OLA1: variants seen among roughly 807,000 people sequenced by gnomAD.
The protein encoded by OLA1 is obg-like ATPase 1.
Under a neutral mutation model 48.4 loss-of-function variants are expected in OLA1, and 14 were observed. That is an observed-to-expected ratio of 0.29 (90% confidence interval 0.19 to 0.45). The LOEUF (loss-of-function observed/expected upper bound fraction) is 0.45. Among genes scored for constraint, OLA1 ranks in the 20% least tolerant of loss-of-function variants. The pLI is 1.00. For missense variants in OLA1, 325 were observed against 467.1 expected, an observed-to-expected ratio of 0.70 and a Z score of 2.80; for synonymous variants, 127 against 150.4, an observed-to-expected ratio of 0.84 and a Z score of 1.14.
At chr2:174,132,183 T>A (rs1686198036) in intron 5 of OLA1, among the ~76,000 whole-genome samples, 1 of 152,112 alleles carries the variant, frequency 6.6e-6, no homozygotes, top group Non-Finnish European at 1.5e-5. Flanking sequence ...TATTGATGTC[T>A]ACAGAATCTA....
intron 4 of OLA1, among the ~76,000 whole-genome samples, chr2:174,144,792 A>G (rs1209120430): frequency 6.6e-6 from 1 of 150,972 alleles, no homozygotes; most frequent in Non-Finnish European, 1.5e-5. Flanking sequence ...GTCCCTAAAT[A>G]AAAAAATTAG....
At chr2:174,097,169 T>A (rs894514888) in intron 7 of OLA1, among the ~76,000 whole-genome samples, 5 of 151,882 alleles carry the variant, frequency 3.3e-5, no homozygotes, top group South Asian at 2.1e-4. Context: ...ATAAATAAAT[T>A]AATTTTAAAA....
intron 7 of OLA1, among the ~76,000 whole-genome samples, chr2:174,097,915 C>T (rs1029734015): frequency 2.6e-5 from 4 of 151,972 alleles, no homozygotes; most frequent in Non-Finnish European, 4.4e-5. Flanking sequence ...CCCATTTATC[C>T]AAATCGTCTC....
At chr2:174,143,977 G>A (rs1017441570) in intron 4 of OLA1, among the ~76,000 whole-genome samples, 7 of 150,086 alleles carry the variant, frequency 4.7e-5, no homozygotes, top group African/African-American at 1.5e-4. Context: ...GGTGGTATGC[G>A]CTTATACTCT....
chr2:174,238,055 G>C (rs1479848368), intron 2 of OLA1, among the ~76,000 whole-genome samples: 4 of 152,150 alleles, frequency 2.6e-5, no homozygotes, highest in Non-Finnish European at 5.9e-5. Flanking sequence ...TCTGTAATAG[G>C]CATCCCAGAA....
At chr2:174,230,433 A>T (rs1474289542) in intron 2 of OLA1, among the ~76,000 whole-genome samples, 1 of 152,182 alleles carries the variant, frequency 6.6e-6, no homozygotes, top group Non-Finnish European at 1.5e-5. Context: ...CCAGCCAATA[A>T]ATGAGGAAAG....
intron 3 of OLA1, among the ~76,000 whole-genome samples, chr2:174,223,807 C>G (rs1688558429): frequency 6.9e-6 from 1 of 145,798 alleles, no homozygotes; most frequent in African/African-American, 2.5e-5. Context: ...TGCTGAGAAC[C>G]AGTTATCAGC....
intron 7 of OLA1, among the ~76,000 whole-genome samples, chr2:174,091,525 G>C (rs1259131818): frequency 1.3e-5 from 2 of 152,204 alleles, no homozygotes; most frequent in Non-Finnish European, 2.9e-5. Flanking sequence ...AATTAAACAA[G>C]TACAAGTGCT....
At chr2:174,161,681 TACACACACACACACAC>T (rs55713860) in intron 4 of OLA1, among the ~76,000 whole-genome samples, 64 of 141,170 alleles carry the variant, frequency 4.5e-4, no homozygotes, top group Admixed American at 2.7e-3. Flanking sequence ...AAAAAAAAAA[TACACACACACACACAC>T]ACACACACAC....
chr2:174,144,927 GT>G (rs1225795513), intron 4 of OLA1, among the ~76,000 whole-genome samples: 3 of 30,470 alleles, frequency 9.8e-5, no homozygotes, highest in African/African-American at 3.4e-4. Context: ...GTAAGACCCT[GT>G]TTAAAAAAAA....
intron 2 of OLA1, among the ~76,000 whole-genome samples, chr2:174,244,996 C>T (rs931058866): frequency 1.3e-5 from 2 of 152,130 alleles, no homozygotes; most frequent in Admixed American, 6.6e-5. Flanking sequence ...ACCACAGATA[C>T]AGAGGGTTGC....
intron 4 of OLA1, among the ~76,000 whole-genome samples, chr2:174,200,529 T>C (rs1687968940): frequency 6.6e-6 from 1 of 152,030 alleles, no homozygotes; most frequent in Non-Finnish European, 1.5e-5. Flanking sequence ...AAGAAAGCTA[T>C]CAAAGACCAC....
intron 7 of OLA1, among the ~76,000 whole-genome samples, chr2:174,107,403 G>A (rs1685540625): frequency 6.6e-6 from 1 of 152,058 alleles, no homozygotes; most frequent in Non-Finnish European, 1.5e-5. Flanking sequence ...TCCCACAGTG[G>A]GACTTACAGT....
At chr2:174,230,539 G>GA (rs890138042) in intron 2 of OLA1, among the ~76,000 whole-genome samples, 5 of 151,968 alleles carry the variant, frequency 3.3e-5, no homozygotes, top group Non-Finnish European at 5.9e-5. Context: ...AAAAACAGGA[G>GA]AAAAAAATAG....
rs148941659 is a variant in OLA1 at position 174,153,407 on chromosome 2, G to A, written c.374-11407C>T. On this transcript the variant is annotated intron_variant, in intron 4 of 10. Coordinates refer to ENST00000284719, the MANE Select transcript of OLA1 (RefSeq NM_013341.5). Reference sequence around the variant, plus strand: ...GTAAGATGAGATAAAGAGAAAGCACGTAGAAAGACATGAAAAACATTAAAA... The same window carrying A: ...GTAAGATGAGATAAAGAGAAAGCACATAGAAAGACATGAAAAACATTAAAA... Among the ~76,000 whole-genome samples, 610 of 152,164 alleles carry A rather than the reference G, an allele frequency of 4.0e-3. 2 individuals are homozygous for A. Among genetic ancestry groups the A allele is most frequent in the African/African-American group, 7.2e-3 (298 of 41,534 alleles).
chr2:174,174,687 G>A (rs888512900), intron 4 of OLA1, among the ~76,000 whole-genome samples: 15 of 151,886 alleles, frequency 9.9e-5, no homozygotes, highest in Middle Eastern at 3.4e-3. Flanking sequence ...AAATTTAATC[G>A]CCTTCATGGA....
intron 4 of OLA1, among the ~76,000 whole-genome samples, chr2:174,179,414 T>C (rs1369605447): frequency 6.6e-6 from 1 of 151,884 alleles, no homozygotes; most frequent in Non-Finnish European, 1.5e-5. Flanking sequence ...GATATTTAAA[T>C]ATATATATAT....
intron 7 of OLA1, among the ~76,000 whole-genome samples, chr2:174,114,418 T>TA (rs1409490852): frequency 1.6e-5 from 2 of 125,140 alleles, no homozygotes; most frequent in African/African-American, 6.3e-5. Flanking sequence ...AAGCAGGACA[T>TA]ACAAAAGAAA....
Position 174,081,132 on chromosome 2 carries a change from T to C in OLA1, c.966+20A>G. On this transcript the variant is annotated intron_variant, in intron 9 of 10. Coordinates refer to ENST00000284719, the MANE Select transcript of OLA1 (RefSeq NM_013341.5). ...ATAGTGTGGAACTGGATATAGCTGA[T>C]GAATAAGTATGAATCTTACCCTGAT... is the stretch of plus-strand genomic sequence containing the variant. 1 of 1,585,998 alleles carries C rather than the reference T, an allele frequency of 6.3e-7. No homozygotes were observed. The highest frequency in any genetic ancestry group is 8.7e-7 in the Non-Finnish European group (1 of 1,154,834).
Sources: allele counts gnomAD v4.1 joint callset (sites outside exome capture counted in the v4.1 genomes callset), GRCh38; gene constraint gnomAD v4.1.1; transcripts MANE v1.5; gene names NCBI Gene and HGNC (gene_info 2026-07-23, HGNC 2026-07-21).